ERBB4: variants seen among roughly 807,000 people sequenced by gnomAD.
ERBB4 encodes the protein erb-b2 receptor tyrosine kinase 4, also known as receptor tyrosine-protein kinase erbB-4.
A neutral mutation model predicts 158.0 loss-of-function variants in ERBB4; 42 were observed. The observed-to-expected ratio is 0.27, with a 90% confidence interval of 0.21 to 0.34. The LOEUF (loss-of-function observed/expected upper bound fraction) is 0.34. ERBB4 is among the 10% of genes least tolerant of loss of function. The probability of loss-of-function intolerance (pLI) is 1.00; values close to 1 mark genes in which losing one functional copy is unlikely to be tolerated. For missense variants in ERBB4, 1,333 were observed against 1,624.1 expected (o/e 0.82, Z 3.08); for synonymous variants, 583 against 558.7 (o/e 1.04, Z -0.61).
intron 16 of ERBB4, among the ~76,000 whole-genome samples, chr2:211,654,343 A>G (rs2071128774): frequency 6.6e-6 from 1 of 152,262 alleles, no homozygotes; most frequent in South Asian, 2.1e-4. Context: ...GAATGGAGTC[A>G]CACTGCATTA....
intron 2 of ERBB4, among the ~76,000 whole-genome samples, chr2:211,978,220 G>T (rs1233470644): frequency 6.6e-6 from 1 of 151,858 alleles, no homozygotes; most frequent in African/African-American, 2.4e-5. Flanking sequence ...TTGGGTAAGT[G>T]CAGGGCAATT....
chr2:211,612,266 G>T (rs1403753784), intron 19 of ERBB4, among the ~76,000 whole-genome samples: 1 of 151,982 alleles, frequency 6.6e-6, no homozygotes, highest in Admixed American at 6.6e-5. Flanking sequence ...AATTAACCAA[G>T]TAGTTATTCT....
At position 212,509,845 on chromosome 2, in the gene ERBB4, T is replaced by C. The variant is rs572069118; in HGVS notation, c.82+28604A>G. Among the ~76,000 whole-genome samples the C allele has an allele frequency of 2.0e-5, 3 of 152,058 alleles. No individual in the cohort carries two copies. In the South Asian group the frequency reaches 6.2e-4, roughly 32 times the overall value. ...TTAGTTTCTATGTATTAAGTTATGATATGAGTTTCATTTTCATTAGTGCTT... is the reference window on the plus strand; with the variant it reads ...TTAGTTTCTATGTATTAAGTTATGACATGAGTTTCATTTTCATTAGTGCTT... On this transcript the variant is annotated intron_variant, in intron 1 of 27. Transcript: ENST00000342788.
At chr2:212,064,988 GGTGTGTGTGTGTGT>G (rs34396660) in intron 2 of ERBB4, among the ~76,000 whole-genome samples, 18 of 143,282 alleles carry the variant, frequency 1.3e-4, no homozygotes, top group African/African-American at 2.3e-4. Context: ...ACATCTTTAT[GGTGTGTGTGTGTGT>G]GTGTGTGTGT....
intron 23 of ERBB4, among the ~76,000 whole-genome samples, chr2:211,422,425 C>G (rs1054112572): frequency 2.0e-5 from 3 of 148,478 alleles, no homozygotes; most frequent in Non-Finnish European, 3.0e-5. Context: ...AATGCTTACA[C>G]TGGCACAAAC....
At chr2:212,067,114 C>A (rs182014343) in intron 2 of ERBB4, among the ~76,000 whole-genome samples, 1 of 151,976 alleles carries the variant, frequency 6.6e-6, no homozygotes, top group Non-Finnish European at 1.5e-5. Context: ...GTATAGCACA[C>A]CTTTATAAAC....
chr2:212,321,933 T>C (rs533121815), intron 1 of ERBB4, among the ~76,000 whole-genome samples: 47 of 150,254 alleles, frequency 3.1e-4, no homozygotes, highest in Admixed American at 2.7e-3. Flanking sequence ...AGAGATGGAA[T>C]GTTGCCTTCC....
chr2:211,769,732 G>A (rs1261936882), intron 4 of ERBB4, among the ~76,000 whole-genome samples: 1 of 152,214 alleles, frequency 6.6e-6, no homozygotes, highest in Non-Finnish European at 1.5e-5. Flanking sequence ...AAAAGCTGAA[G>A]AACTTGGAGT....
intron 1 of ERBB4, among the ~76,000 whole-genome samples, chr2:212,400,557 T>G (rs1462708132): frequency 2.0e-5 from 3 of 152,198 alleles, no homozygotes; most frequent in Non-Finnish European, 2.9e-5. Context: ...TCCCTTTTAG[T>G]CAGCAAAGAC....
chr2:212,065,117 C>A (rs1172084822), intron 2 of ERBB4, among the ~76,000 whole-genome samples: 1 of 151,496 alleles, frequency 6.6e-6, no homozygotes, highest in East Asian at 1.9e-4. Context: ...ATCACCCCTA[C>A]TAGACAAAGC....
At chr2:211,393,832 T>C (rs2062855634) in intron 25 of ERBB4, among the ~76,000 whole-genome samples, 1 of 152,090 alleles carries the variant, frequency 6.6e-6, no homozygotes, top group East Asian at 1.9e-4. Context: ...AATCATGTTG[T>C]GTATATATAC....
chr2:211,409,021 A>T (rs1239951835), intron 25 of ERBB4, among the ~76,000 whole-genome samples: 2 of 152,210 alleles, frequency 1.3e-5, no homozygotes, highest in African/African-American at 4.8e-5. Flanking sequence ...AAGGCTTCAT[A>T]AAATTTGTCC....
At chr2:212,029,525 A>C (rs1056440589) in intron 2 of ERBB4, among the ~76,000 whole-genome samples, 7 of 152,180 alleles carry the variant, frequency 4.6e-5, no homozygotes, top group African/African-American at 1.4e-4. Context: ...GTACCATTTA[A>C]AAAAGGATTT....
Position 211,505,175 on chromosome 2 carries a change from A to G in ERBB4, c.2487+56728T>C, listed in dbSNP as rs116352404. Among the ~76,000 whole-genome samples the G allele has an allele frequency of 7.9e-3, 1,199 of 152,206 alleles. 21 individuals are homozygous for G. The highest frequency in any genetic ancestry group is 0.027 in the African/African-American group (1,139 of 41,558). On this transcript the variant is annotated intron_variant, in intron 20 of 27. Transcript: ENST00000342788. ...TCAGACTATCCAAGCTCAATATAAA[A>G]GAAAAAATTTTAAAGGCAGCTAGAG...
chr2:212,424,896 T>C (rs1428593544), intron 1 of ERBB4, among the ~76,000 whole-genome samples: 1 of 152,084 alleles, frequency 6.6e-6, no homozygotes, highest in East Asian at 1.9e-4. Context: ...GATCAAATTA[T>C]TAATTGTGGT....
At position 211,589,418 on chromosome 2, in the gene ERBB4, T is replaced by A. The variant is rs73988605; in HGVS notation, c.2302-27330A>T. On this transcript the variant is annotated intron_variant, in intron 19 of 27. Coordinates refer to ENST00000342788, the MANE Select transcript of ERBB4 (RefSeq NM_005235.3). ...TAAAAGCATAAACCTAGTTAACATT[T>A]CAAAAACATTAAAATGAATGTCCAC... Among the ~76,000 whole-genome samples the A allele has an allele frequency of 6.1e-3, 930 of 152,236 alleles. 13 individuals are homozygous for A. The highest frequency in any genetic ancestry group is 0.02 in the African/African-American group (837 of 41,538).
In ERBB4 at chr2:211,711,108, T is replaced by C. The variant is rs146372354; in HGVS notation, c.1124+942A>G. On this transcript the variant is annotated intron_variant, in intron 9 of 27. Transcript: ENST00000342788. ...ATACATACTATTATACTATCTAACA[T>C]GGGGCTGTATTAAAAGCTACCTATT... Among the ~76,000 whole-genome samples, 474 of 151,760 alleles carry C rather than the reference T, an allele frequency of 3.1e-3. 2 individuals carry two copies. The highest frequency in any genetic ancestry group is 0.011 in the African/African-American group (443 of 41,376).
chr2:212,326,592 T>G (rs2087847700), intron 1 of ERBB4, among the ~76,000 whole-genome samples: 1 of 150,762 alleles, frequency 6.6e-6, no homozygotes, highest in African/African-American at 2.4e-5. Flanking sequence ...GTGATGGGTA[T>G]GTTTTTTAAT....
At chr2:212,397,203 G>A (rs542065810) in intron 1 of ERBB4, among the ~76,000 whole-genome samples, 6 of 152,236 alleles carry the variant, frequency 3.9e-5, no homozygotes, top group South Asian at 4.1e-4. Context: ...GGCAGGCCAT[G>A]GTGGTTCATG....
Sources: allele counts gnomAD v4.1 joint callset (sites outside exome capture counted in the v4.1 genomes callset), GRCh38; gene constraint gnomAD v4.1.1; transcripts MANE v1.5; gene names NCBI Gene and HGNC (gene_info 2026-07-23, HGNC 2026-07-21).